The following EEF2K variants were observed in gnomAD, a reference collection of about 807,000 sequenced individuals.
The protein encoded by EEF2K is alternative protein EEF2K.
A neutral mutation model predicts 93.8 loss-of-function variants in EEF2K; 70 were observed. The observed-to-expected ratio is 0.75, with a 90% CI of 0.62 to 0.91. EEF2K has a LOEUF of 0.91. Among genes scored for constraint, EEF2K ranks in the 40% least tolerant of loss-of-function variants. EEF2K has a pLI of 0.00. For missense variants in EEF2K, 935 were observed against 972.9 expected (o/e 0.96, Z 0.52); for synonymous variants, 376 against 380.8 (o/e 0.99, Z 0.15).
At chr16:22,232,393 A>G (rs1405031139) in intron 2 of EEF2K, among the ~76,000 whole-genome samples, 1 of 151,914 alleles carries the variant, frequency 6.6e-6, no homozygotes, top group East Asian at 1.9e-4. Flanking sequence ...CACTTGGCCA[A>G]CTTCTTAATT....
chr16:22,213,663 G>C (rs1188968739), intron 1 of EEF2K, among the ~76,000 whole-genome samples: 1 of 152,236 alleles, frequency 6.6e-6, no homozygotes, highest in Admixed American at 6.5e-5. Flanking sequence ...CAGCATGGCT[G>C]TGTTCCTTCT....
At chr16:22,219,749 A>C (rs2046993874) in intron 1 of EEF2K, among the ~76,000 whole-genome samples, 3 of 152,216 alleles carry the variant, frequency 2.0e-5, no homozygotes, top group African/African-American at 7.2e-5. Flanking sequence ...TAGATTATAC[A>C]AGTTTAGCTA....
intron 1 of EEF2K, among the ~76,000 whole-genome samples, chr16:22,208,938 C>T (rs578140510): frequency 3.3e-5 from 5 of 151,926 alleles, no homozygotes; most frequent in Admixed American, 6.6e-5. Flanking sequence ...TTTCAAGCCT[C>T]GACCCTAAAA....
chr16:22,240,101 C>CAAAAA (rs765234012), intron 2 of EEF2K, among the ~76,000 whole-genome samples: 1 of 58,296 alleles, frequency 1.7e-5, no homozygotes. Flanking sequence ...GACTCCATCT[C>CAAAAA]AAAAAAAAAA....
intron 1 of EEF2K, among the ~76,000 whole-genome samples, chr16:22,223,849 A>G (rs990123415): frequency 6.6e-6 from 1 of 152,062 alleles, no homozygotes; most frequent in African/African-American, 2.4e-5. Context: ...CTGTATAATG[A>G]GCTTCTATTG....
Position 22,269,286 on chromosome 16 carries a change from T to C in EEF2K, c.1764+2410T>C, listed in dbSNP as rs551024715. On this transcript the variant is annotated intron_variant, in intron 15 of 17. Coordinates refer to ENST00000263026, the MANE Select transcript of EEF2K (RefSeq NM_013302.5). ...CTTCAGCGTTCTTGGCTTGGCTCAC[T>C]GAAATCTCTGTCTCCATCTTTCCCT... is the stretch of plus-strand genomic sequence containing the variant. Among the ~76,000 whole-genome samples, 58 of 152,294 alleles carry C rather than the reference T, an allele frequency of 3.8e-4. 1 individual carries two copies. In the South Asian group the frequency reaches 0.012, roughly 32 times the overall value.
intron 16 of EEF2K, among the ~76,000 whole-genome samples, chr16:22,278,390 G>A (rs1264011476): frequency 6.6e-6 from 1 of 152,142 alleles, no homozygotes; most frequent in African/African-American, 2.4e-5. Context: ...TTTTGGAGGG[G>A]ACACACGTTC....
chr16:22,236,468 G>A (rs1378284608), intron 2 of EEF2K, among the ~76,000 whole-genome samples: 1 of 151,798 alleles, frequency 6.6e-6, no homozygotes, highest in African/African-American at 2.4e-5. Context: ...TAGAGGCAGG[G>A]TTTCGCAATG....
At chr16:22,254,326 C>A (rs146614725) in intron 6 of EEF2K, among the ~76,000 whole-genome samples, 2 of 152,060 alleles carry the variant, frequency 1.3e-5, no homozygotes, top group Non-Finnish European at 2.9e-5. Flanking sequence ...TGAGAACCGC[C>A]GCTCCCTGCC....
At chr16:22,244,269 TTGTGTG>T (rs200282636) in intron 2 of EEF2K, among the ~76,000 whole-genome samples, 11,340 of 140,028 alleles carry the variant, frequency 0.081, 1,150 homozygotes, top group African/African-American at 0.24. Context: ...TATATATGTA[TTGTGTG>T]TGTGTGTGTG....
chr16:22,208,623 T>A (rs1598156078), intron 1 of EEF2K, among the ~76,000 whole-genome samples: 1 of 151,832 alleles, frequency 6.6e-6, no homozygotes. Flanking sequence ...ACTGGCTGGG[T>A]GTGGTAGCTC....
At chr16:22,223,001 C>T (rs964717153) in intron 1 of EEF2K, among the ~76,000 whole-genome samples, 1 of 152,098 alleles carries the variant, frequency 6.6e-6, no homozygotes, top group African/African-American at 2.4e-5. Flanking sequence ...TTCCCCATTT[C>T]CCCCAACCAT....
intron 6 of EEF2K, among the ~76,000 whole-genome samples, chr16:22,252,597 C>T (rs570729334): frequency 2.0e-5 from 3 of 152,162 alleles, no homozygotes; most frequent in Non-Finnish European, 2.9e-5. Context: ...GTGTTCCACC[C>T]AGACCACAGG....
At position 22,213,456 on chromosome 16, in the gene EEF2K, A is replaced by G. The variant is rs4783441; in HGVS notation, c.-77+6777A>G. On this transcript the variant is annotated intron_variant, in intron 1 of 17. Coordinates refer to ENST00000263026, the MANE Select transcript of EEF2K (RefSeq NM_013302.5). Reference sequence around the variant, plus strand: ...TGCTAGTTGCACCCCTAGAGTTTCAACAACTGAAAATGTCTCTAGACATTG... The same window carrying G: ...TGCTAGTTGCACCCCTAGAGTTTCAGCAACTGAAAATGTCTCTAGACATTG... Among the ~76,000 whole-genome samples the G allele has an allele frequency of 5.0e-3, 755 of 152,292 alleles. 7 individuals are homozygous for G. Among genetic ancestry groups the G allele is most frequent in the African/African-American group, 0.016 (676 of 41,550 alleles).
In EEF2K at chr16:22,276,404, C is replaced by T. The variant is rs190665450; in HGVS notation, c.1889+2654C>T. On this transcript the variant is annotated intron_variant, in intron 16 of 17. Coordinates refer to ENST00000263026, the MANE Select transcript of EEF2K (RefSeq NM_013302.5). ...ATCTATCAAAAGTATTTCTTTATTG[C>T]TTCTGCTCTAGTCATTTCCTTATTC... is the stretch of plus-strand genomic sequence containing the variant. Among the ~76,000 whole-genome samples, 8 of 152,202 alleles carry T rather than the reference C, an allele frequency of 5.3e-5. No individual in the cohort carries two copies. The South Asian group carries it at 1.2e-3, about 24-fold the overall frequency.
chr16:22,265,720 G>A (rs773466327), intron 13 of EEF2K, among the ~76,000 whole-genome samples: 13 of 152,362 alleles, frequency 8.5e-5, no homozygotes, highest in Admixed American at 1.3e-4. Context: ...ACGTGCACAC[G>A]CACAGCTGCC....
chr16:22,229,108 C>T (rs905393806), intron 2 of EEF2K, among the ~76,000 whole-genome samples: 7 of 152,008 alleles, frequency 4.6e-5, no homozygotes, highest in African/African-American at 1.7e-4. Flanking sequence ...CACTGCACTC[C>T]AGCCTGGGCA....
intron 2 of EEF2K, among the ~76,000 whole-genome samples, chr16:22,227,796 TA>T (rs1430909813): frequency 6.6e-6 from 1 of 152,036 alleles, no homozygotes. Flanking sequence ...TGATCTCATT[TA>T]ACATTTATAG....
In EEF2K at chr16:22,266,672, G is replaced by A. The variant is rs368191070; in HGVS notation, c.1576-16G>A. 32 of 1,601,200 alleles carry A rather than the reference G, an allele frequency of 2.0e-5. No homozygotes were observed. Among genetic ancestry groups the A allele is most frequent in the African/African-American group, 8.0e-5 (6 of 74,828 alleles). ...CCCGCCAGACAGCCAGGCCGACACC[G>A]TAGTCTGTGTGGCAGGTCCATCTGG... On this transcript the variant is annotated splice_polypyrimidine_tract_variant and intron_variant, in intron 14 of 17. Transcript: ENST00000263026.
Sources: allele counts gnomAD v4.1 joint callset (sites outside exome capture counted in the v4.1 genomes callset), GRCh38; gene constraint gnomAD v4.1.1; transcripts MANE v1.5; gene names NCBI Gene and HGNC (gene_info 2026-07-23, HGNC 2026-07-21).